OPCML: variants seen among roughly 807,000 people sequenced by gnomAD.
OPCML encodes the protein opioid binding protein/cell adhesion molecule like, also known as opioid-binding protein/cell adhesion molecule.
In OPCML, 13 loss-of-function variants were observed where a neutral mutation model predicts 37.8. The ratio of observed to expected loss-of-function variants is 0.34; its 90% CI spans 0.22 to 0.55. The LOEUF (loss-of-function observed/expected upper bound fraction) is 0.55, where lower values mean the gene tolerates loss of function less well. OPCML is among the 20% of genes least tolerant of loss of function. The probability of loss-of-function intolerance (pLI) is 0.91; values close to 1 mark genes in which losing one functional copy is unlikely to be tolerated. For synonymous variants in OPCML, 176 were observed against 168.8 expected, an observed-to-expected ratio of 1.04 and a Z score of -0.33; for missense variants, 341 against 435.6, an observed-to-expected ratio of 0.78 and a Z score of 1.93.
At chr11:132,645,288 C>T (rs1941086051) in intron 3 of OPCML, among the ~76,000 whole-genome samples, 1 of 152,152 alleles carries the variant, frequency 6.6e-6, no homozygotes, top group Non-Finnish European at 1.5e-5. Flanking sequence ...GGAATAAATC[C>T]ATGCTGGACG....
chr11:133,468,654 C>T (rs533405007), intron 1 of OPCML, among the ~76,000 whole-genome samples: 11 of 152,316 alleles, frequency 7.2e-5, no homozygotes, highest in Non-Finnish European at 1.3e-4. Flanking sequence ...AGAGCCCTTG[C>T]GGGCACCTTG....
intron 6 of OPCML, 87 bp downstream of exon 6, chr11:132,436,570 TCC>T: frequency 6.4e-7 from 1 of 1,562,786 alleles, no homozygotes; most frequent in Non-Finnish European, 8.7e-7. Flanking sequence ...GCCTTATCTT[TCC>T]CCTTTTCTTC....
intron 1 of OPCML, among the ~76,000 whole-genome samples, chr11:133,305,276 T>TC (rs34561446): frequency 8.5e-5 from 13 of 152,092 alleles, no homozygotes; most frequent in Non-Finnish European, 1.8e-4. Context: ...TTCATGGGCT[T>TC]CCCCCCTGTA....
At chr11:133,000,680 A>T (rs1451260026) in intron 1 of OPCML, among the ~76,000 whole-genome samples, 1 of 152,224 alleles carries the variant, frequency 6.6e-6, no homozygotes, top group Admixed American at 6.5e-5. Context: ...CTTTTCATTT[A>T]AACAGTAGGC....
At chr11:133,043,956 G>T (rs1051763400) in intron 1 of OPCML, among the ~76,000 whole-genome samples, 1 of 152,198 alleles carries the variant, frequency 6.6e-6, no homozygotes, top group Non-Finnish European at 1.5e-5. Flanking sequence ...ATGCTGAATC[G>T]AGGGGGGCAC....
intron 3 of OPCML, among the ~76,000 whole-genome samples, chr11:132,539,510 ATGCTGC>A (rs375680037): frequency 1.1e-4 from 17 of 152,210 alleles, no homozygotes; most frequent in African/African-American, 2.6e-4. Flanking sequence ...GTTTAAAGAC[ATGCTGC>A]TGCTGCTGCT....
chr11:133,344,880 A>G (rs1943959896), intron 1 of OPCML, among the ~76,000 whole-genome samples: 1 of 152,304 alleles, frequency 6.6e-6, no homozygotes, highest in South Asian at 2.1e-4. Flanking sequence ...CTTCCTGGGA[A>G]TTGGGACACC....
intron 1 of OPCML, among the ~76,000 whole-genome samples, chr11:133,484,185 T>C (rs1947478852): frequency 6.6e-6 from 1 of 151,974 alleles, no homozygotes; most frequent in African/African-American, 2.4e-5. Flanking sequence ...GATAGATAGA[T>C]AGATAGATGT....
At chr11:133,166,857 A>G (rs2137231410) in intron 1 of OPCML, among the ~76,000 whole-genome samples, 1 of 152,346 alleles carries the variant, frequency 6.6e-6, no homozygotes, top group African/African-American at 2.4e-5. Context: ...ATTCAGTTCA[A>G]TGAGTATTGG....
At position 133,206,798 on chromosome 11, in the gene OPCML, T is replaced by C. The variant is rs1939080993; in HGVS notation, c.62-263788A>G. ...GTCTTCTGGTCCGCAGGTTTGTGAATGGATGCAGCACCCACGCTTACCCTC... is the reference window on the plus strand; with the variant it reads ...GTCTTCTGGTCCGCAGGTTTGTGAACGGATGCAGCACCCACGCTTACCCTC... On this transcript the variant is annotated intron_variant, in intron 1 of 7. Coordinates refer to ENST00000524381, the MANE Select transcript of OPCML (RefSeq NM_001012393.5). This position sits in a 1 kb window ranked among gnomAD's most constrained non-coding sequence, Gnocchi z 4.7. 6.6e-6 allele frequency among the ~76,000 whole-genome samples: 1 copy of C among 152,194 alleles called. No homozygotes were observed. The highest frequency in any genetic ancestry group is 1.5e-5 in the Non-Finnish European group (1 of 68,036).
intron 1 of OPCML, among the ~76,000 whole-genome samples, chr11:133,035,924 C>CA (rs1555080276): frequency 1.8e-4 from 27 of 151,916 alleles, no homozygotes; most frequent in African/African-American, 3.4e-4. Flanking sequence ...AGAGAGGCCT[C>CA]GGAGAAACCA....
intron 1 of OPCML, among the ~76,000 whole-genome samples, chr11:133,493,896 A>G (rs550603976): frequency 1.8e-4 from 28 of 152,164 alleles, no homozygotes; most frequent in Non-Finnish European, 3.2e-4. Context: ...CTGCACAGCG[A>G]AAGAAACTAC....
At chr11:132,750,001 G>T (rs1945776702) in intron 2 of OPCML, among the ~76,000 whole-genome samples, 1 of 152,074 alleles carries the variant, frequency 6.6e-6, no homozygotes. Context: ...TCCTGCCTCA[G>T]CCTCCCGAGT....
intron 1 of OPCML, among the ~76,000 whole-genome samples, chr11:133,159,682 A>G (rs899017684): frequency 3.1e-4 from 47 of 152,226 alleles, no homozygotes; most frequent in African/African-American, 1.1e-3. Context: ...GTAGTCTCCT[A>G]TAATGGAAGG....
At chr11:132,509,654 C>A (rs892813267) in intron 4 of OPCML, among the ~76,000 whole-genome samples, 3 of 152,222 alleles carry the variant, frequency 2.0e-5, no homozygotes, top group African/African-American at 7.2e-5. Context: ...AATCCCAAGG[C>A]TTGGCAGCTT....
intron 1 of OPCML, among the ~76,000 whole-genome samples, chr11:133,050,274 T>C (rs1948106018): frequency 6.6e-6 from 1 of 152,214 alleles, no homozygotes; most frequent in Non-Finnish European, 1.5e-5. Flanking sequence ...GGGTAAACCA[T>C]TCCTTGCAGT....
chr11:132,646,224 C>T (rs1941142371), intron 3 of OPCML, among the ~76,000 whole-genome samples: 1 of 152,108 alleles, frequency 6.6e-6, no homozygotes, highest in Non-Finnish European at 1.5e-5. Flanking sequence ...CAACTCACCA[C>T]TAAACAACTT....
chr11:132,432,063 T>C (rs186809173), intron 7 of OPCML, among the ~76,000 whole-genome samples: 4 of 152,278 alleles, frequency 2.6e-5, no homozygotes, highest in Admixed American at 6.5e-5. Context: ...ATGAGCTGGA[T>C]TGCAATAGGA....
chr11:133,423,954 A>G (rs898225488), intron 1 of OPCML, among the ~76,000 whole-genome samples: 1 of 152,238 alleles, frequency 6.6e-6, no homozygotes, highest in Non-Finnish European at 1.5e-5. Flanking sequence ...GATCCTCACC[A>G]GAAGCCAAGC....
Sources: gnomAD v4.1 joint callset for allele counts (sites outside exome capture counted in the v4.1 genomes callset) on GRCh38, gnomAD v4.1.1 for gene constraint, Gnocchi (gnomAD v3.1) non-coding constraint, MANE v1.5 for transcripts, NCBI Gene and HGNC (gene_info 2026-07-23, HGNC 2026-07-21) for gene names.